ERGIC3: variants seen among roughly 807,000 people sequenced by gnomAD.
ERGIC3 encodes endoplasmic reticulum-Golgi intermediate compartment protein 3.
In ERGIC3, 33 loss-of-function variants were observed where a neutral mutation model predicts 54.7. The ratio of observed to expected loss-of-function variants is 0.60; its 90% CI spans 0.46 to 0.81. The LOEUF (loss-of-function observed/expected upper bound fraction) is 0.81, where lower values mean the gene tolerates loss of function less well. Among genes scored for constraint, ERGIC3 ranks in the 30% least tolerant of loss-of-function variants. ERGIC3 has a pLI of 0.00. For synonymous variants in ERGIC3, 186 were observed against 189.8 expected, an observed-to-expected ratio of 0.98 and a Z score of 0.16; for missense variants, 399 against 488.4, an observed-to-expected ratio of 0.82 and a Z score of 1.73.
intron 4 of ERGIC3, among the ~76,000 whole-genome samples, chr20:35,545,595 C>T (rs1292739423): frequency 9.9e-5 from 15 of 152,002 alleles, no homozygotes; most frequent in Non-Finnish European, 1.9e-4. Flanking sequence ...AACGTGTAAC[C>T]TTTTTTATGA....
At chr20:35,552,429 G>A (rs2064686663) in intron 7 of ERGIC3, among the ~76,000 whole-genome samples, 1 of 152,192 alleles carries the variant, frequency 6.6e-6, no homozygotes, top group Non-Finnish European at 1.5e-5. Context: ...ATGGTTGTCT[G>A]TGTGGGAATG....
At chr20:35,544,428 G>A (rs2064636210) in intron 4 of ERGIC3, 1 of 302,980 alleles carries the variant, frequency 3.3e-6, no homozygotes, top group Non-Finnish European at 6.6e-6. Flanking sequence ...AGGACAGGGG[G>A]CTCAGTCTTT....
At chr20:35,543,290 G>T in intron 4 of ERGIC3, 1 of 342,502 alleles carries the variant, frequency 2.9e-6, no homozygotes, top group South Asian at 2.4e-5. Context: ...CCAGCCCATT[G>T]GCTTAATTCA....
At chr20:35,555,977 CCTGT>C in intron 8 of ERGIC3, 52 bp from the exon 9 acceptor site, 2 of 1,543,262 alleles carry the variant, frequency 1.3e-6, no homozygotes, top group Non-Finnish European at 1.8e-6. Flanking sequence ...CCCAGGTGTC[CCTGT>C]CTGCTACTGT....
chr20:35,543,209 A>T (rs1281166250), intron 4 of ERGIC3: 1 of 411,052 alleles, frequency 2.4e-6, no homozygotes, highest in Non-Finnish European at 4.6e-6. Context: ...AGGTTTGAAG[A>T]TAGGTCTTAT....
chr20:35,542,339 C>G lies in ERGIC3; in HGVS notation c.105C>G (p.Gly35=). The part of the protein sequence containing the change: ...CGGATVTIVS[G]LLMLLLFLSE... ...GTCCTGCAGTGACCATTGTCAGTGGCCTTCTCATGCTGCTACTGTTCCTGT... is the reference window on the plus strand; with the variant it reads ...GTCCTGCAGTGACCATTGTCAGTGGGCTTCTCATGCTGCTACTGTTCCTGT... The change falls in exon 2 of 13, where the codon GGC becomes GGG. Residue 35 remains glycine, a synonymous_variant. Coordinates refer to ENST00000348547, the MANE Select transcript of ERGIC3 (RefSeq NM_015966.3). 1 of 1,613,966 alleles carries G rather than the reference C, an allele frequency of 6.2e-7. No homozygotes were observed. The highest frequency in any genetic ancestry group is 1.1e-5 in the South Asian group (1 of 91,068).
chr20:35,555,117 G>A (rs376352671), intron 8 of ERGIC3, 42 bp downstream of exon 8: 3 of 1,545,018 alleles, frequency 1.9e-6, no homozygotes, highest in African/African-American at 1.4e-5. Flanking sequence ...GTGGGGGTGG[G>A]AGGCTTGGTT....
intron 7 of ERGIC3, among the ~76,000 whole-genome samples, chr20:35,551,783 C>G (rs1436151754): frequency 6.6e-6 from 1 of 152,216 alleles, no homozygotes; most frequent in African/African-American, 2.4e-5. Flanking sequence ...GTACATGCAA[C>G]AGTCACTTAT....
At chr20:35,548,418 G>T (rs966130017) in intron 5 of ERGIC3, 91 bp from the exon 6 acceptor site, 3 of 1,392,130 alleles carry the variant, frequency 2.2e-6, no homozygotes, top group Non-Finnish European at 3.0e-6. Context: ...GCCTTCATTA[G>T]CAGGCAGAGC....
intron 7 of ERGIC3, chr20:35,549,811 A>G (rs2064672047): frequency 6.6e-6 from 1 of 152,098 alleles, no homozygotes; most frequent in Non-Finnish European, 1.5e-5. Flanking sequence ...TAAGTTTTGT[A>G]TTTTTAGTAG....
At chr20:35,550,632 TAAAG>T (rs1300372870) in intron 7 of ERGIC3, among the ~76,000 whole-genome samples, 1 of 151,344 alleles carries the variant, frequency 6.6e-6, no homozygotes, top group African/African-American at 2.4e-5. Flanking sequence ...TAATAATAAA[TAAAG>T]AGAGGTCACA....
At chr20:35,556,594 A>C in intron 10 of ERGIC3, 1 of 492,394 alleles carries the variant, frequency 2.0e-6, no homozygotes, top group East Asian at 3.9e-5. Context: ...ACCCGCTCCC[A>C]AGGCTGCCCT....
At chr20:35,550,472 T>C (rs2064675534) in intron 7 of ERGIC3, among the ~76,000 whole-genome samples, 1 of 151,970 alleles carries the variant, frequency 6.6e-6, no homozygotes, top group Non-Finnish European at 1.5e-5. Context: ...AAAAATTAGC[T>C]GGGTGTGGTG....
intron 6 of ERGIC3, 48 bp downstream of exon 6, chr20:35,548,722 C>T (rs754462476): frequency 6.2e-7 from 1 of 1,614,118 alleles, no homozygotes; most frequent in Admixed American, 1.7e-5. Flanking sequence ...GCTGGGCAAG[C>T]TCCACTGGGA....
rs2064722033 is a variant in ERGIC3 at position 35,557,516 on chromosome 20, GCTTC to G, written c.*15_*18del. The G allele has an allele frequency of 6.2e-7, 1 of 1,612,568 alleles. No individual in the cohort carries two copies. The highest frequency in any genetic ancestry group is 8.5e-7 in the Non-Finnish European group (1 of 1,178,784). On this transcript the variant is annotated 3_prime_UTR_variant, in exon 13 of 13. Transcript: ENST00000348547. The stretch of plus-strand genomic sequence containing the variant: ...GGAAGACAACGTAGTCACCCTCGGT[GCTTC>G]CTCTGTCTCCTCTTTCTCCCTGGCC...
chr20:35,556,859 T>C lies in ERGIC3; in HGVS notation c.880-114T>C, dbSNP rs2064715936. 3.4e-6 allele frequency: 5 copies of C among 1,455,054 alleles called. No individual in the cohort carries two copies. The South Asian group carries it at 6.0e-5, about 18-fold the overall frequency. 90.1% of individuals were successfully genotyped at this position (1,455,054 alleles called of 1,614,324 possible). ...AGGCCACTAGCACGGTGCTGTGTTC[T>C]CTCCTTACACGGCCAAGGCTCAACA... On this transcript the variant is annotated intron_variant, in intron 10 of 12. Transcript: ENST00000348547.
intron 7 of ERGIC3, among the ~76,000 whole-genome samples, chr20:35,550,526 G>A (rs1473285324): frequency 6.6e-6 from 1 of 152,184 alleles, no homozygotes; most frequent in East Asian, 1.9e-4. Flanking sequence ...TGAGGCACGA[G>A]AATCTCTTGA....
Position 35,542,861 on chromosome 20 carries a change from A to G in ERGIC3, c.287A>G (p.Gln96Arg), listed in dbSNP as rs1248433703. Residue 96 changes from glutamine (Q) to arginine (R), a missense_variant, in exon 4 of 13, where the codon CAG (glutamine) becomes CGG (arginine). Transcript: ENST00000348547. ...IDAMDVAGEQ[Q>R]LDVEHNLFKQ... ...GCCATGGATGTGGCCGGAGAACAGC[A>G]GCTGGATGTGGAACACAACCTGTTC... is the stretch of plus-strand genomic sequence containing the variant. 6.2e-7 allele frequency: 1 copy of G among 1,614,030 alleles called. No homozygotes were observed. The highest frequency in any genetic ancestry group is 2.2e-5 in the East Asian group (1 of 44,896).
chr20:35,557,291 G>T (rs750196406), intron 12 of ERGIC3, 42 bp downstream of exon 12: 4 of 1,613,560 alleles, frequency 2.5e-6, no homozygotes, highest in Non-Finnish European at 3.4e-6. Flanking sequence ...GGTGGGGAGG[G>T]TAAAGCCTGG....
Sources: allele counts gnomAD v4.1 joint callset (sites outside exome capture counted in the v4.1 genomes callset), GRCh38; gene constraint gnomAD v4.1.1; transcripts MANE v1.5; gene names NCBI Gene and HGNC (gene_info 2026-07-23, HGNC 2026-07-21).